ARF5: variants seen among roughly 807,000 people sequenced by gnomAD.
ARF5 encodes the protein ARF GTPase 5.
ARF5 carries 10 observed loss-of-function variants against 24.8 expected under a neutral mutation model. The ratio of observed to expected loss-of-function variants is 0.40; its 90% CI spans 0.25 to 0.68. The LOEUF is 0.68. Ranked by LOEUF, ARF5 falls within the 30% of genes least tolerant of loss-of-function variation. ARF5 has a pLI of 0.36. For missense variants in ARF5, 135 were observed against 239.2 expected (o/e 0.56, Z 2.87); for synonymous variants, 102 against 95.1 (o/e 1.07, Z -0.42).
chr7:127,589,354 G>T (rs371927044), intron 2 of ARF5, 131 bp from the exon 3 acceptor site: 8 of 1,058,218 alleles, frequency 7.6e-6, no homozygotes, highest in Non-Finnish European at 1.1e-5. Context: ...TTGACCGCCA[G>T]TTCTGGGGTT....
chr7:127,589,159 C>T lies in ARF5; in HGVS notation c.144C>T (p.Thr48=). 3 of 1,614,192 alleles carry T rather than the reference C, an allele frequency of 1.9e-6. No individual in the cohort carries two copies. In the East Asian group the frequency reaches 6.7e-5, roughly 36 times the overall value. Residue 48 remains threonine (T), a synonymous_variant, in exon 2 of 6, where the codon ACC becomes ACT. Coordinates refer to ENST00000000233, the MANE Select transcript of ARF5 (RefSeq NM_001662.4). ...GGGAGATTGTCACCACCATCCCAAC[C>T]ATAGGTGAGCCCGGGGACGAAGCAG... ...KLGEIVTTIP[T]IGFNVETVEY...
intron 3 of ARF5, 98 bp from the exon 4 acceptor site, chr7:127,589,968 G>A: frequency 9.3e-7 from 1 of 1,079,694 alleles, no homozygotes; most frequent in Non-Finnish European, 1.4e-6. Context: ...GAGAAGGATT[G>A]ACACAATTAC....
At position 127,589,168 on chromosome 7, in the gene ARF5, G is replaced by C; in HGVS notation, c.148+5G>C. The stretch of plus-strand genomic sequence containing the variant: ...TCACCACCATCCCAACCATAGGTGA[G>C]CCCGGGGACGAAGCAGGGAGCGGGA... On this transcript the variant is annotated splice_donor_5th_base_variant and intron_variant, in intron 2 of 5. Coordinates refer to ENST00000000233, the MANE Select transcript of ARF5 (RefSeq NM_001662.4). The C allele has an allele frequency of 6.2e-7, 1 of 1,614,128 alleles. No individual in the cohort carries two copies. The highest frequency in any genetic ancestry group is 8.5e-7 in the Non-Finnish European group (1 of 1,179,988).
Position 127,591,354 on chromosome 7 carries a change from G to T in ARF5, c.*55G>T, listed in dbSNP as rs1425706457. ...AAGCTCCTGCGTGCATCCCCGGGAT[G>T]ACCAGACTCCCGGACTCCTCAGGCA... On this transcript the variant is annotated 3_prime_UTR_variant, in exon 6 of 6. Coordinates refer to ENST00000000233, the MANE Select transcript of ARF5 (RefSeq NM_001662.4). The T allele has an allele frequency of 2.7e-6, 4 of 1,462,378 alleles. No homozygotes were observed. In the South Asian group the frequency reaches 5.4e-5, roughly 20 times the overall value. The allele number at this position is 1,462,378 out of a possible 1,614,324, so 90.6% of individuals were successfully genotyped here.
rs897107891 is a variant in ARF5, at chr7:127,589,902, A to G, written c.259-164A>G. On this transcript the variant is annotated intron_variant, in intron 3 of 5. Transcript: ENST00000000233. The stretch of plus-strand genomic sequence containing the variant: ...TGCAGTGGGGTCTCTAGTTTGTGCC[A>G]TGACTCCTGTAGAGCTTCTATAGAG... 13 of 666,492 alleles carry G rather than the reference A, an allele frequency of 2.0e-5. No homozygotes were observed. The East Asian group carries it at 2.0e-4, about 10-fold the overall frequency. 41.3% of individuals were successfully genotyped at this position (666,492 alleles called of 1,614,324 possible).
At position 127,590,088 on chromosome 7, in the gene ARF5, G is replaced by C; in HGVS notation, c.281G>C (p.Ser94Thr). 6.2e-7 allele frequency: 1 copy of C among 1,614,082 alleles called. No individual in the cohort carries two copies. Among genetic ancestry groups the C allele is most frequent in the Non-Finnish European group, 8.5e-7 (1 of 1,179,968 alleles). ...CAGGGCCTCATCTTTGTGGTGGACA[G>C]TAATGACCGGGAGCGGGTCCAAGAA... ...NTQGLIFVVD[S>T]NDRERVQESA... Residue 94 changes from serine (S) to threonine (T), a missense_variant, in exon 4 of 6, where the codon AGT becomes ACT. Physicochemically the swap from Ser to Thr is moderately conservative, Grantham distance 58. This residue lies in a region of ARF5 where 102 missense variants were observed against 160.9 expected (regional missense o/e 0.63). Coordinates refer to ENST00000000233, the MANE Select transcript of ARF5 (RefSeq NM_001662.4).
At chr7:127,588,764 T>A in intron 1 of ARF5, 199 bp downstream of exon 1, 1 of 601,450 alleles carries the variant, frequency 1.7e-6, no homozygotes, top group Non-Finnish European at 2.7e-6. Context: ...GCTGCGGGCC[T>A]GGGTGGGGTG....
At chr7:127,588,994 A>G (rs1794245430) in intron 1 of ARF5, 89 bp from the exon 2 acceptor site, 2 of 1,449,350 alleles carry the variant, frequency 1.4e-6, no homozygotes, top group African/African-American at 2.8e-5. Context: ...CGCCCCAGTC[A>G]CCATCAGCTG....
intron 3 of ARF5, 123 bp from the exon 4 acceptor site, chr7:127,589,943 T>C: frequency 1.1e-6 from 1 of 892,164 alleles, no homozygotes; most frequent in Admixed American, 1.8e-5. Context: ...TAAACTTCTG[T>C]AGAGTTTACT....
chr7:127,590,584 TG>T (rs1794272375), intron 4 of ARF5, among the ~76,000 whole-genome samples: 1 of 152,188 alleles, frequency 6.6e-6, no homozygotes, highest in Non-Finnish European at 1.5e-5. Flanking sequence ...CCACCCGTCT[TG>T]GTCTCCCAAA....
chr7:127,591,294 C>A lies in ARF5; in HGVS notation c.538C>A (p.Arg180Ser). ...CTGGCTGTCCCACGAGCTGTCAAAGCGCTAACCAGCCAGGGGCAGGCCCCT... is the reference window on the plus strand; with the variant it reads ...CTGGCTGTCCCACGAGCTGTCAAAGAGCTAACCAGCCAGGGGCAGGCCCCT... ...LDWLSHELSK[R>S] The change falls in exon 6 of 6, where the codon CGC (arginine) becomes AGC (serine). Residue 180 changes from arginine (R) to serine (S), a missense_variant. Physicochemically the swap from Arg to Ser is moderately radical, Grantham distance 110. Around this residue, in one of 3 missense-constraint regions of ARF5, gnomAD observed 102 missense variants for 160.9 expected, o/e 0.63. Coordinates refer to ENST00000000233, the MANE Select transcript of ARF5 (RefSeq NM_001662.4). 6.3e-7 allele frequency: 1 copy of A among 1,595,394 alleles called. No individual in the cohort carries two copies. Among genetic ancestry groups the A allele is most frequent in the Non-Finnish European group, 8.5e-7 (1 of 1,173,480 alleles).
intron 1 of ARF5, 43 bp downstream of exon 1, chr7:127,588,608 C>G (rs909324552): frequency 1.5e-6 from 2 of 1,300,232 alleles, no homozygotes; most frequent in Non-Finnish European, 2.0e-6. Flanking sequence ...GGCGCCGGCC[C>G]CGGCGCAGCC....
Position 127,588,449 on chromosome 7 carries a change from T to G in ARF5, c.-50T>G. The G allele has an allele frequency of 1.5e-6, 2 of 1,314,860 alleles. No individual in the cohort carries two copies. The highest frequency in any genetic ancestry group is 1.5e-5 in the African/African-American group (1 of 65,136). The allele number at this position is 1,314,860 out of a possible 1,614,324, so 81.4% of individuals were successfully genotyped here. The stretch of plus-strand genomic sequence containing the variant: ...GCCCCATCCCCCCGCGGCCGGCCAG[T>G]TCCAGCCCGCACCCCGCGTCGGTGC... On this transcript the variant is annotated 5_prime_UTR_variant, in exon 1 of 6. Coordinates refer to ENST00000000233, the MANE Select transcript of ARF5 (RefSeq NM_001662.4).
At chr7:127,590,283 A>C in intron 4 of ARF5, 146 bp downstream of exon 4, 74 of 636,840 alleles carry the variant, frequency 1.2e-4, no homozygotes, top group East Asian at 2.2e-4. Context: ...TGTGTATCTC[A>C]CCCTGTTTTG....
Position 127,591,406 on chromosome 7 carries a change from C to G in ARF5, c.*107C>G. 1 of 966,534 alleles carries G rather than the reference C, an allele frequency of 1.0e-6. No individual in the cohort carries two copies. The highest frequency in any genetic ancestry group is 1.5e-6 in the Non-Finnish European group (1 of 671,292). 59.9% of individuals were successfully genotyped at this position (966,534 alleles called of 1,614,324 possible). On this transcript the variant is annotated 3_prime_UTR_variant, in exon 6 of 6. Transcript: ENST00000000233. ...TGCCCTTTCCTCCCACTTTTCCTCC[C>G]CCATAGCCACAGGCCTCTGCTCCTG...
intron 4 of ARF5, among the ~76,000 whole-genome samples, chr7:127,590,690 T>A (rs972490884): frequency 6.6e-6 from 1 of 152,206 alleles, no homozygotes; most frequent in Non-Finnish European, 1.5e-5. Context: ...GGGACTTATA[T>A]GTGGCAAAGA....
chr7:127,591,175 TC>T (rs1470587568), intron 5 of ARF5, 37 bp from the exon 6 acceptor site: 2 of 1,606,244 alleles, frequency 1.2e-6, no homozygotes, highest in South Asian at 1.1e-5. Flanking sequence ...TTCCTTTTGT[TC>T]CTGGTTGCTG....
At position 127,589,076 on chromosome 7, in the gene ARF5, G is replaced by A. The variant is rs768834874; in HGVS notation, c.68-7G>A. 3.1e-6 allele frequency: 5 copies of A among 1,614,068 alleles called. No homozygotes were observed. The East Asian group carries it at 6.7e-5, about 22-fold the overall frequency. On this transcript the variant is annotated splice_polypyrimidine_tract_variant and splice_region_variant and intron_variant, in intron 1 of 5. Transcript: ENST00000000233. ...CATCTCCATCCCTGTGCCCCTTTCC[G>A]TTGCAGTTGGCTTGGATGCGGCTGG...
chr7:127,589,146 C>T lies in ARF5; in HGVS notation c.131C>T (p.Thr44Ile). ...AAACTGAAGTTGGGGGAGATTGTCACCACCATCCCAACCATAGGTGAGCCC... is the reference window on the plus strand; with the variant it reads ...AAACTGAAGTTGGGGGAGATTGTCATCACCATCCCAACCATAGGTGAGCCC... ...LYKLKLGEIV[T>I]TIPTIGFNVE... The change falls in exon 2 of 6, where the codon ACC (threonine) becomes ATC (isoleucine). Residue 44 changes from threonine to isoleucine, a missense_variant. Physicochemically the swap from Thr to Ile is moderately conservative, Grantham distance 89. Around this residue, in one of 3 missense-constraint regions of ARF5, gnomAD observed 8 missense variants for 47.7 expected, o/e 0.17. Coordinates refer to ENST00000000233, the MANE Select transcript of ARF5 (RefSeq NM_001662.4). The T allele has an allele frequency of 1.2e-6, 2 of 1,614,198 alleles. No homozygotes were observed. The highest frequency in any genetic ancestry group is 1.7e-6 in the Non-Finnish European group (2 of 1,180,024).
Sources: gnomAD v4.1 joint callset for allele counts (sites outside exome capture counted in the v4.1 genomes callset) on GRCh38, gnomAD v4.1.1 for gene constraint, gnomAD v4.1.1 regional missense constraint, MANE v1.5 for transcripts, NCBI Gene and HGNC (gene_info 2026-07-23, HGNC 2026-07-21) for gene names.